The following TMPRSS15 variants were observed in gnomAD, a reference collection of about 807,000 sequenced individuals.
TMPRSS15 encodes the protein transmembrane serine protease 15, also known as enteropeptidase.
TMPRSS15 carries 128 observed loss-of-function variants against 125.3 expected under a neutral mutation model. The ratio of observed to expected loss-of-function variants is 1.02; its 90% CI spans 0.89 to 1.18. The LOEUF is 1.18. TMPRSS15 is among the 50% of genes most tolerant of loss of function. The pLI is 0.00. For missense variants in TMPRSS15, 1,283 were observed against 1,212.7 expected, an observed-to-expected ratio of 1.06 and a Z score of -0.86; for synonymous variants, 446 against 423.2, an observed-to-expected ratio of 1.05 and a Z score of -0.66.
chr21:18,447,631 C>T (rs2076258580), intron 1 of TMPRSS15, among the ~76,000 whole-genome samples: 1 of 152,028 alleles, frequency 6.6e-6, no homozygotes, highest in Non-Finnish European at 1.5e-5. Flanking sequence ...CCTCCATGCT[C>T]TTCTGTTGAC....
chr21:18,397,808 T>G (rs1254933415), intron 3 of TMPRSS15, 71 bp downstream of exon 3: 6 of 848,604 alleles, frequency 7.1e-6, no homozygotes, highest in Non-Finnish European at 1.1e-5. Context: ...TATATAGTGA[T>G]GCTATTTTAC....
intron 8 of TMPRSS15, among the ~76,000 whole-genome samples, chr21:18,357,692 T>C (rs2075639332): frequency 1.3e-5 from 2 of 151,760 alleles, no homozygotes; most frequent in Non-Finnish European, 3.0e-5. Context: ...ATTATTACCA[T>C]ACAAATTAAC....
Position 18,394,002 on chromosome 21 carries a change from A to T in TMPRSS15, c.344+3877T>A, listed in dbSNP as rs557452141. Among the ~76,000 whole-genome samples, 25 of 152,326 alleles carry T rather than the reference A, an allele frequency of 1.6e-4. No homozygotes were observed. In the East Asian group the frequency reaches 3.1e-3, roughly 19 times the overall value. On this transcript the variant is annotated intron_variant, in intron 3 of 24. Transcript: ENST00000284885. ...TAAGCCCTATATGTGTGTTAAGTAC[A>T]TAAGCGAGCAAATGAATGGATGACT...
At chr21:18,357,051 C>T (rs1443267936) in intron 8 of TMPRSS15, among the ~76,000 whole-genome samples, 1 of 151,760 alleles carries the variant, frequency 6.6e-6, no homozygotes, top group African/African-American at 2.4e-5. Context: ...ATTTTGAAAC[C>T]GTTTTCAGTG....
chr21:18,335,310 A>G (rs375006322), intron 13 of TMPRSS15, among the ~76,000 whole-genome samples: 40 of 152,288 alleles, frequency 2.6e-4, no homozygotes, highest in African/African-American at 8.7e-4. Flanking sequence ...TTTGTTTTTT[A>G]CCATTATTCT....
intron 16 of TMPRSS15, among the ~76,000 whole-genome samples, chr21:18,316,193 C>T (rs1386760889): frequency 6.6e-6 from 1 of 152,066 alleles, no homozygotes; most frequent in Non-Finnish European, 1.5e-5. Context: ...AAACCTCAGA[C>T]ATCTCTTTTG....
At chr21:18,452,659 CAA>C (rs1384015205) in intron 1 of TMPRSS15, among the ~76,000 whole-genome samples, 2 of 152,000 alleles carry the variant, frequency 1.3e-5, no homozygotes, top group African/African-American at 4.8e-5. Context: ...TCAAGAAAAA[CAA>C]AGAGATTCAA....
At chr21:18,413,561 C>T (rs113414424) in intron 1 of TMPRSS15, among the ~76,000 whole-genome samples, 21,984 of 148,930 alleles carry the variant, frequency 0.15, 1,700 homozygotes, top group East Asian at 0.3. Context: ...GGATTACAGG[C>T]GCCCGCCACC....
intron 1 of TMPRSS15, among the ~76,000 whole-genome samples, chr21:18,426,305 C>G (rs1487299372): frequency 6.6e-6 from 1 of 152,146 alleles, no homozygotes; most frequent in African/African-American, 2.4e-5. Flanking sequence ...TATCTATTGT[C>G]ACTTAGCAAA....
intron 1 of TMPRSS15, among the ~76,000 whole-genome samples, chr21:18,448,317 G>C (rs1334904772): frequency 1.3e-5 from 2 of 152,104 alleles, no homozygotes; most frequent in African/African-American, 2.4e-5. Context: ...ATTTACTAAA[G>C]AAGAGTCACT....
chr21:18,404,194 T>A (rs1216678065), upstream of TMPRSS15, among the ~76,000 whole-genome samples: 1 of 152,234 alleles, frequency 6.6e-6, no homozygotes, highest in African/African-American at 2.4e-5. Flanking sequence ...ATACATGTAT[T>A]CCTTATGGAA....
intron 10 of TMPRSS15, among the ~76,000 whole-genome samples, chr21:18,350,637 ATCT>A (rs1306922110): frequency 6.6e-6 from 1 of 152,036 alleles, no homozygotes; most frequent in Non-Finnish European, 1.5e-5. Context: ...CTTACTGCTC[ATCT>A]TCTTCTAATT....
chr21:18,450,391 AT>A (rs1250794911), intron 1 of TMPRSS15, among the ~76,000 whole-genome samples: 1 of 152,010 alleles, frequency 6.6e-6, no homozygotes, highest in Non-Finnish European at 1.5e-5. Context: ...TCACATGGCG[AT>A]TTCCTATGAG....
chr21:18,475,023 A>C (rs1170896528), intron 1 of TMPRSS15, among the ~76,000 whole-genome samples: 1 of 152,142 alleles, frequency 6.6e-6, no homozygotes, highest in Non-Finnish European at 1.5e-5. Flanking sequence ...GAGTGCCCCC[A>C]CTTCAGTATT....
intron 1 of TMPRSS15, among the ~76,000 whole-genome samples, chr21:18,409,383 T>C (rs1601452701): frequency 6.6e-6 from 1 of 152,260 alleles, no homozygotes; most frequent in African/African-American, 2.4e-5. Flanking sequence ...AAAAATCCTT[T>C]ATTAAAGCTT....
chr21:18,337,690 C>T (rs2075405485), intron 13 of TMPRSS15, among the ~76,000 whole-genome samples: 1 of 152,154 alleles, frequency 6.6e-6, no homozygotes. Context: ...AGCGTTATTA[C>T]TCAGTCACTG....
chr21:18,291,092 T>C (rs1555892398), intron 21 of TMPRSS15, among the ~76,000 whole-genome samples: 1 of 152,224 alleles, frequency 6.6e-6, no homozygotes, highest in Non-Finnish European at 1.5e-5. Context: ...TATTGCACAT[T>C]CTTGCATGAA....
chr21:18,409,081 G>A (rs2076159355), intron 1 of TMPRSS15, among the ~76,000 whole-genome samples: 1 of 152,054 alleles, frequency 6.6e-6, no homozygotes, highest in South Asian at 2.1e-4. Context: ...TTTTATACTT[G>A]ACTGATAATA....
intron 1 of TMPRSS15, among the ~76,000 whole-genome samples, chr21:18,446,140 C>A (rs955233376): frequency 6.6e-6 from 1 of 152,078 alleles, no homozygotes; most frequent in African/African-American, 2.4e-5. Context: ...ATACAAAAAT[C>A]AGTAGCATTT....
Sources: allele counts gnomAD v4.1 joint callset (sites outside exome capture counted in the v4.1 genomes callset), GRCh38; gene constraint gnomAD v4.1.1; transcripts MANE v1.5; gene names NCBI Gene and HGNC (gene_info 2026-07-23, HGNC 2026-07-21).